Variants in CTNNA2 observed in about 807,000 individuals in gnomAD.
The protein encoded by CTNNA2 is catenin alpha 2.
In CTNNA2, 42 loss-of-function variants were observed where a neutral mutation model predicts 101.0. That is an observed-to-expected ratio of 0.42 (90% CI 0.32 to 0.54). The LOEUF is 0.54. Ranked by LOEUF, CTNNA2 falls within the 20% of genes least tolerant of loss-of-function variation. The pLI is 0.14. For synonymous variants in CTNNA2, 450 were observed against 456.4 expected (o/e 0.99, Z 0.18); for missense variants, 871 against 1,223.1 (o/e 0.71, Z 4.29).
intron 2 of CTNNA2, among the ~76,000 whole-genome samples, chr2:79,674,304 A>G (rs1266219718): frequency 6.6e-6 from 1 of 152,174 alleles, no homozygotes; most frequent in East Asian, 1.9e-4. Flanking sequence ...TTCTTTTGAG[A>G]GAAGGTCACA....
intron 18 of CTNNA2, among the ~76,000 whole-genome samples, chr2:80,628,590 T>C (rs1364416872): frequency 6.6e-6 from 1 of 152,026 alleles, no homozygotes; most frequent in Non-Finnish European, 1.5e-5. Flanking sequence ...TTACACCTTA[T>C]ACAAAACCTA....
chr2:79,599,391 G>A (rs755199116), intron 1 of CTNNA2, among the ~76,000 whole-genome samples: 7 of 151,920 alleles, frequency 4.6e-5, no homozygotes, highest in Non-Finnish European at 7.4e-5. Context: ...GCTTCTCTAT[G>A]GATATTATAC....
In CTNNA2 at chr2:80,226,126, C is replaced by T. The variant is rs544079353; in HGVS notation, c.1057-167085C>T. ...TTGAGATAATCCATCCTTATGATGG[C>T]CTTCCATGACTTCAGCTAATGGGAC... is the stretch of plus-strand genomic sequence containing the variant. On this transcript the variant is annotated intron_variant, in intron 7 of 18. Transcript: ENST00000402739. Among the ~76,000 whole-genome samples the T allele has an allele frequency of 2.6e-5, 4 of 152,244 alleles. No individual in the cohort carries two copies. The East Asian group carries it at 5.8e-4, about 22-fold the overall frequency.
intron 4 of CTNNA2, 138 bp from the exon 5 acceptor site, chr2:79,869,678 A>G (rs1440750130): frequency 8.5e-6 from 9 of 1,059,766 alleles, no homozygotes; most frequent in Non-Finnish European, 1.2e-5. Context: ...TGTTAGAGGA[A>G]CTCTTCTCCT....
intron 4 of CTNNA2, among the ~76,000 whole-genome samples, chr2:79,487,457 C>T (rs141250503): frequency 1.9e-3 from 290 of 152,306 alleles, no homozygotes; most frequent in Non-Finnish European, 3.2e-3. Flanking sequence ...GACTCTTGAG[C>T]CTTGCTCATA....
intron 9 of CTNNA2, among the ~76,000 whole-genome samples, chr2:80,491,035 A>G (rs1402704073): frequency 6.6e-6 from 1 of 152,188 alleles, no homozygotes; most frequent in Admixed American, 6.5e-5. Context: ...TCAGTTCTGC[A>G]TTCTATACCA....
chr2:80,332,330 G>A (rs1671410538), intron 7 of CTNNA2, among the ~76,000 whole-genome samples: 1 of 152,116 alleles, frequency 6.6e-6, no homozygotes, highest in Non-Finnish European at 1.5e-5. Context: ...GCAGCCTCTG[G>A]ATCTTTGGGT....
intron 3 of CTNNA2, among the ~76,000 whole-genome samples, chr2:79,848,831 C>A (rs1455799338): frequency 6.6e-6 from 1 of 152,162 alleles, no homozygotes; most frequent in Non-Finnish European, 1.5e-5. Context: ...AGGGTTGTCA[C>A]AGAACCATGT....
intron 9 of CTNNA2, among the ~76,000 whole-genome samples, chr2:80,464,595 A>G (rs1684703531): frequency 6.6e-6 from 1 of 152,126 alleles, no homozygotes. Context: ...CTGAAAATTC[A>G]ATATTAGCTA....
chr2:80,020,884 C>T (rs1259241863), intron 7 of CTNNA2, among the ~76,000 whole-genome samples: 2 of 151,868 alleles, frequency 1.3e-5, no homozygotes, highest in Non-Finnish European at 2.9e-5. Flanking sequence ...GCTATTTGAC[C>T]TGGTATGCTG....
chr2:80,021,235 G>T (rs1020949721), intron 7 of CTNNA2, among the ~76,000 whole-genome samples: 1 of 151,890 alleles, frequency 6.6e-6, no homozygotes, highest in African/African-American at 2.4e-5. Context: ...ACCCAGGATG[G>T]TCTTAAACTC....
intron 7 of CTNNA2, among the ~76,000 whole-genome samples, chr2:79,997,234 A>G (rs375936253): frequency 1.3e-5 from 2 of 152,048 alleles, no homozygotes; most frequent in African/African-American, 2.4e-5. Flanking sequence ...TAGCTGCACT[A>G]TTTAGTATGG....
chr2:80,158,450 C>G (rs1483485007), intron 7 of CTNNA2, among the ~76,000 whole-genome samples: 2 of 152,176 alleles, frequency 1.3e-5, no homozygotes, highest in African/African-American at 4.8e-5. Context: ...ATATTCCAAC[C>G]AAGATGTTGT....
chr2:79,412,843 T>C (rs888756636), intron 4 of CTNNA2, among the ~76,000 whole-genome samples: 2 of 152,062 alleles, frequency 1.3e-5, no homozygotes, highest in Non-Finnish European at 2.9e-5. Context: ...ACCTGTTCTA[T>C]TAATGACAGA....
At chr2:80,254,872 G>A (rs1277650654) in intron 7 of CTNNA2, among the ~76,000 whole-genome samples, 1 of 152,168 alleles carries the variant, frequency 6.6e-6, no homozygotes, top group Non-Finnish European at 1.5e-5. Flanking sequence ...AACTGGTAGA[G>A]TTGGGCTACA....
intron 7 of CTNNA2, among the ~76,000 whole-genome samples, chr2:80,042,736 G>A (rs527730532): frequency 6.6e-6 from 1 of 152,296 alleles, no homozygotes; most frequent in South Asian, 2.1e-4. Flanking sequence ...ATTTGGAGGG[G>A]TTAGAGGGAT....
At chr2:79,721,055 A>AT (rs11290241) in intron 2 of CTNNA2, among the ~76,000 whole-genome samples, 5,822 of 141,766 alleles carry the variant, frequency 0.041, 290 homozygotes, top group African/African-American at 0.12. Context: ...GAAAAGTATG[A>AT]TTTTTTTTTT....
intron 7 of CTNNA2, among the ~76,000 whole-genome samples, chr2:80,087,585 T>C (rs942323718): frequency 1.3e-5 from 2 of 152,094 alleles, no homozygotes; most frequent in African/African-American, 4.8e-5. Flanking sequence ...CTGTGTGGGC[T>C]GCTCTCTGGA....
In CTNNA2 at chr2:80,059,966, A is replaced by G. The variant is rs187131589; in HGVS notation, c.1056+150169A>G. Among the ~76,000 whole-genome samples, 84 of 152,308 alleles carry G rather than the reference A, an allele frequency of 5.5e-4. 1 individual carries two copies. In the East Asian group the frequency reaches 0.016, roughly 29 times the overall value. Reference sequence around the variant, plus strand: ...TCCCTTTCCAAAAATCAATCAGTCAATCAATTGATTCATCTATTAGGGGAA... The same window carrying G: ...TCCCTTTCCAAAAATCAATCAGTCAGTCAATTGATTCATCTATTAGGGGAA... On this transcript the variant is annotated intron_variant, in intron 7 of 18. Transcript: ENST00000402739.
Sources: allele counts gnomAD v4.1 joint callset (sites outside exome capture counted in the v4.1 genomes callset), GRCh38; gene constraint gnomAD v4.1.1; transcripts MANE v1.5; gene names NCBI Gene and HGNC (gene_info 2026-07-23, HGNC 2026-07-21).